The following RXFP1 variants were observed in gnomAD, a reference collection of about 807,000 sequenced individuals.
RXFP1 encodes the protein relaxin receptor 1.
In RXFP1, 73 loss-of-function variants were observed where a neutral mutation model predicts 89.8. That is an observed-to-expected ratio of 0.81 (90% CI 0.67 to 0.99). The LOEUF (loss-of-function observed/expected upper bound fraction) is 0.99. Ranked by LOEUF, RXFP1 falls within the 50% of genes least tolerant of loss-of-function variation. The pLI is 0.00. For missense variants in RXFP1, 793 were observed against 895.5 expected, an observed-to-expected ratio of 0.89 and a Z score of 1.46; for synonymous variants, 277 against 305.5, an observed-to-expected ratio of 0.91 and a Z score of 0.97.
At chr4:158,622,821 T>C (rs1053289955) in intron 9 of RXFP1, among the ~76,000 whole-genome samples, 2 of 152,188 alleles carry the variant, frequency 1.3e-5, no homozygotes, top group Non-Finnish European at 2.9e-5. Flanking sequence ...CTGTATTGTA[T>C]AGTGGAAATT....
Position 158,648,681 on chromosome 4 carries a change from G to C in RXFP1, c.1939G>C (p.Val647Leu). The C allele has an allele frequency of 1.2e-6, 2 of 1,608,642 alleles. No homozygotes were observed. The highest frequency in any genetic ancestry group is 2.2e-5 in the East Asian group (1 of 44,734). ...DALCWIPIFVVKFLSLLQVEI... is the reference protein window; with the variant it reads ...DALCWIPIFVLKFLSLLQVEI... ...ATTATGCTGGATACCCATTTTTGTA[G>C]TGAAATTTCTTTCACTGCTTCAGGT... Residue 647 changes from valine to leucine, a missense_variant, in exon 17 of 18, where the codon GTG becomes CTG. Val to Leu is a conservative substitution (Grantham distance 32, BLOSUM62 1). Transcript: ENST00000307765.
intron 8 of RXFP1, among the ~76,000 whole-genome samples, chr4:158,613,010 A>G (rs1444814366): frequency 6.6e-6 from 1 of 152,274 alleles, no homozygotes; most frequent in African/African-American, 2.4e-5. Flanking sequence ...AAATGTCACA[A>G]TAAAGCAAGT....
rs557406044 is a variant in RXFP1, at chr4:158,535,036, A to T, written c.49+13011A>T. Among the ~76,000 whole-genome samples the T allele has an allele frequency of 2.6e-5, 4 of 151,528 alleles. No individual in the cohort carries two copies. The South Asian group carries it at 8.3e-4, about 31-fold the overall frequency. On this transcript the variant is annotated intron_variant, in intron 1 of 17. Coordinates refer to ENST00000307765, the MANE Select transcript of RXFP1 (RefSeq NM_021634.4). ...TTATATCTCATTTTATAAAACGAGA[A>T]TTCCTATTCCCATTAACAGGTGAAC... is the stretch of plus-strand genomic sequence containing the variant.
At position 158,620,579 on chromosome 4, in the gene RXFP1, T is replaced by A. The variant is rs374440510; in HGVS notation, c.755+3374T>A. ...CAGAGAAAACAGAAACATTATACAC[T>A]GTAAAACAAAGACAAGAAAAACAAC... On this transcript the variant is annotated intron_variant, in intron 9 of 17. Coordinates refer to ENST00000307765, the MANE Select transcript of RXFP1 (RefSeq NM_021634.4). Among the ~76,000 whole-genome samples, 46 of 152,120 alleles carry A rather than the reference T, an allele frequency of 3.0e-4. No individual in the cohort carries two copies. In the South Asian group the frequency reaches 8.5e-3, roughly 28 times the overall value.
At chr4:158,561,045 G>C (rs375867745) in intron 1 of RXFP1, among the ~76,000 whole-genome samples, 4 of 152,148 alleles carry the variant, frequency 2.6e-5, no homozygotes, top group Non-Finnish European at 5.9e-5. Flanking sequence ...TTCAAAAACC[G>C]TGTTTGCCTT....
chr4:158,589,123 C>G (rs1414036428), intron 2 of RXFP1, among the ~76,000 whole-genome samples: 2 of 152,150 alleles, frequency 1.3e-5, no homozygotes, highest in African/African-American at 2.4e-5. Context: ...GAGTGCCAAA[C>G]AAAGGGAGAA....
intron 2 of RXFP1, among the ~76,000 whole-genome samples, chr4:158,581,026 G>A (rs2150027901): frequency 6.6e-6 from 1 of 152,238 alleles, no homozygotes; most frequent in Non-Finnish European, 1.5e-5. Context: ...CTGACCTCAA[G>A]TGATCTACCC....
intron 9 of RXFP1, among the ~76,000 whole-genome samples, chr4:158,626,160 A>ATAGATAGATAGT (rs1766765724): frequency 7.0e-6 from 1 of 142,856 alleles, no homozygotes; most frequent in African/African-American, 2.8e-5. Flanking sequence ...AGATAGATAG[A>ATAGATAGATAGT]TAGATAGATA....
At chr4:158,635,782 G>A (rs1769027286) in intron 12 of RXFP1, among the ~76,000 whole-genome samples, 1 of 151,882 alleles carries the variant, frequency 6.6e-6, no homozygotes, top group African/African-American at 2.4e-5. Context: ...GGCTCCCCCA[G>A]CAGTTCCTTC....
rs1367283533 is a variant in RXFP1 at position 158,628,726 on chromosome 4, A to G, written c.899+17A>G. ...GGATGAATTGTAAGTATGACTGAAC[A>G]TATACTGATAAGAATTTTCTTTCTA... On this transcript the variant is annotated intron_variant, in intron 11 of 17. Transcript: ENST00000307765. 7 of 1,380,516 alleles carry G rather than the reference A, an allele frequency of 5.1e-6. No individual in the cohort carries two copies. Among genetic ancestry groups the G allele is most frequent in the Admixed American group, 2.0e-5 (1 of 51,224 alleles). The allele number at this position is 1,380,516 out of a possible 1,614,324, so 85.5% of individuals were successfully genotyped here. A position where few individuals can be genotyped will look rare whatever the true frequency, so the allele number is the denominator to read the frequency against.
At chr4:158,650,450 T>TATATAA (rs1554027234) in intron 17 of RXFP1, among the ~76,000 whole-genome samples, 4 of 149,550 alleles carry the variant, frequency 2.7e-5, no homozygotes, top group Admixed American at 6.7e-5. Context: ...TATATATATA[T>TATATAA]AATGCAGTTT....
At chr4:158,562,732 T>G (rs1421581058) in intron 1 of RXFP1, among the ~76,000 whole-genome samples, 1 of 151,946 alleles carries the variant, frequency 6.6e-6, no homozygotes, top group Non-Finnish European at 1.5e-5. Context: ...TGCACACCCA[T>G]CCGGGGCAGT....
rs1343166761 is a variant in RXFP1, at chr4:158,638,098, G to C, written c.1043+19G>C. The C allele has an allele frequency of 2.8e-6, 4 of 1,424,888 alleles. No homozygotes were observed. In the Admixed American group the frequency reaches 7.7e-5, roughly 27 times the overall value. The allele number at this position is 1,424,888 out of a possible 1,614,324, so 88.3% of individuals were successfully genotyped here. Reference sequence around the variant, plus strand: ...AGTCTCTGTAAGTATTCACATATGGGGATAGTTTTATGATAAAATTGTTTT... The same window carrying C: ...AGTCTCTGTAAGTATTCACATATGGCGATAGTTTTATGATAAAATTGTTTT... On this transcript the variant is annotated intron_variant, in intron 13 of 17. Transcript: ENST00000307765.
intron 14 of RXFP1, among the ~76,000 whole-genome samples, chr4:158,644,577 C>T (rs1018186057): frequency 6.6e-6 from 1 of 152,172 alleles, no homozygotes; most frequent in Non-Finnish European, 1.5e-5. Context: ...ACTGCATTTA[C>T]GTATACTAAC....
rs1439625815 is a variant in RXFP1, at chr4:158,544,578, C to T, written c.49+22553C>T. The stretch of plus-strand genomic sequence containing the variant: ...CTTGTCATTTACATTAGGTATATAC[C>T]CTAATGCTATCCCTCCCCCTACCCC... On this transcript the variant is annotated intron_variant, in intron 1 of 17. Coordinates refer to ENST00000307765, the MANE Select transcript of RXFP1 (RefSeq NM_021634.4). 3.3e-5 allele frequency among the ~76,000 whole-genome samples: 5 copies of T among 151,858 alleles called. 1 individual carries two copies. In the South Asian group the frequency reaches 8.3e-4, roughly 25 times the overall value.
intron 4 of RXFP1, among the ~76,000 whole-genome samples, chr4:158,602,597 G>A (rs183627612): frequency 6.6e-6 from 1 of 151,508 alleles, no homozygotes; most frequent in East Asian, 1.9e-4. Context: ...CATTAGCCCC[G>A]GGCTGTTAAG....
rs138219172 is a variant in RXFP1, at chr4:158,535,813, C to G, written c.49+13788C>G. On this transcript the variant is annotated intron_variant, in intron 1 of 17. Coordinates refer to ENST00000307765, the MANE Select transcript of RXFP1 (RefSeq NM_021634.4). ...CACTCCATAAATATCCAACTATTAT[C>G]TCTATTTCTCATTCTTAAGAGTTTG... is the stretch of plus-strand genomic sequence containing the variant. Among the ~76,000 whole-genome samples the G allele has an allele frequency of 2.1e-3, 319 of 152,340 alleles. 1 individual carries two copies. Among genetic ancestry groups the G allele is most frequent in the Middle Eastern group, 0.014 (4 of 294 alleles).
At chr4:158,584,292 G>A (rs183254665) in intron 2 of RXFP1, among the ~76,000 whole-genome samples, 2 of 152,180 alleles carry the variant, frequency 1.3e-5, no homozygotes, top group African/African-American at 2.4e-5. Flanking sequence ...AAATTAGCTA[G>A]GCATGGTGGT....
intron 1 of RXFP1, among the ~76,000 whole-genome samples, chr4:158,562,523 C>CAA (rs55944906): frequency 0.042 from 1,052 of 25,312 alleles, 301 homozygotes; most frequent in African/African-American, 0.11. Context: ...GACTCCGTCT[C>CAA]AAAAAAAAAA....
Sources: gnomAD v4.1 joint callset for allele counts (sites outside exome capture counted in the v4.1 genomes callset) on GRCh38, gnomAD v4.1.1 for gene constraint, MANE v1.5 for transcripts, NCBI Gene and HGNC (gene_info 2026-07-23, HGNC 2026-07-21) for gene names.